ZC3H14: variants seen among roughly 807,000 people sequenced by gnomAD.
ZC3H14 encodes zinc finger CCCH-type containing 14, also known as zinc finger CCCH domain-containing protein 14.
ZC3H14 carries 31 observed loss-of-function variants against 92.4 expected under a neutral mutation model. The ratio of observed to expected loss-of-function variants is 0.34; its 90% confidence interval spans 0.25 to 0.45. The LOEUF (loss-of-function observed/expected upper bound fraction) is 0.45, where lower values mean the gene tolerates loss of function less well. ZC3H14 is among the 20% of genes least tolerant of loss of function. The pLI is 1.00. For synonymous variants in ZC3H14, 321 were observed against 300.9 expected (o/e 1.07, Z -0.69); for missense variants, 781 against 897.3 (o/e 0.87, Z 1.66).
intron 10 of ZC3H14, among the ~76,000 whole-genome samples, chr14:88,601,556 CTG>C (rs1332566755): frequency 3.3e-5 from 5 of 152,178 alleles, no homozygotes; most frequent in African/African-American, 9.7e-5. Context: ...GTTCAGCAGT[CTG>C]TGTATTCTAA....
At chr14:88,585,315 T>C (rs2082341423) in intron 9 of ZC3H14, among the ~76,000 whole-genome samples, 1 of 152,188 alleles carries the variant, frequency 6.6e-6, no homozygotes, top group Non-Finnish European at 1.5e-5. Flanking sequence ...CTGTTATTGT[T>C]GACAACCCTA....
intron 12 of ZC3H14, among the ~76,000 whole-genome samples, chr14:88,604,500 G>A (rs929090618): frequency 2.0e-4 from 31 of 151,968 alleles, no homozygotes; most frequent in Non-Finnish European, 4.1e-4. Flanking sequence ...TTTATGTTGG[G>A]TTGTTTCAAG....
In ZC3H14 at chr14:88,620,921, C is replaced by T; in HGVS notation, c.*9170C>T. On this transcript the variant is annotated 3_prime_UTR_variant, in exon 17 of 17. Transcript: ENST00000251038. This position sits in a 1 kb window ranked among gnomAD's most constrained non-coding sequence, Gnocchi z 4.3. Reference sequence around the variant, plus strand: ...CATGTCCCAAATTCACTTTGTTTAACATCTTCTGCATTTAAAAAAAAAAAA... The same window carrying T: ...CATGTCCCAAATTCACTTTGTTTAATATCTTCTGCATTTAAAAAAAAAAAA... The T allele has an allele frequency of 1.4e-6, 2 of 1,442,064 alleles. No homozygotes were observed. Among genetic ancestry groups the T allele is most frequent in the East Asian group, 2.5e-5 (1 of 39,660 alleles). The allele number at this position is 1,442,064 out of a possible 1,614,324, so 89.3% of individuals were successfully genotyped here. A position where few individuals can be genotyped will look rare whatever the true frequency, so the allele number is the denominator to read the frequency against.
At chr14:88,582,126 A>G (rs774429023) in intron 9 of ZC3H14, among the ~76,000 whole-genome samples, 5 of 152,254 alleles carry the variant, frequency 3.3e-5, no homozygotes, top group Non-Finnish European at 5.9e-5. Flanking sequence ...CCTCTGATAT[A>G]GTAGATGAGA....
intron 1 of ZC3H14, 76 bp from the exon 2 acceptor site, chr14:88,563,575 C>T (rs1023526080): frequency 1.3e-6 from 2 of 1,597,334 alleles, no homozygotes; most frequent in African/African-American, 2.7e-5. Context: ...GCAAAGTGGC[C>T]TCAGCCGCTG....
chr14:88,618,678 T>C lies in ZC3H14; in HGVS notation c.*6927T>C. On this transcript the variant is annotated 3_prime_UTR_variant, in exon 17 of 17. Coordinates refer to ENST00000251038, the MANE Select transcript of ZC3H14 (RefSeq NM_024824.5). The stretch of plus-strand genomic sequence containing the variant: ...GAGATAACTGCTATCTGCAGAGAAG[T>C]CCATTTGAATGACAAAGCTTGGAAT... 1 of 1,612,952 alleles carries C rather than the reference T, an allele frequency of 6.2e-7. No individual in the cohort carries two copies. Among genetic ancestry groups the C allele is most frequent in the Non-Finnish European group, 8.5e-7 (1 of 1,179,504 alleles).
At position 88,620,556 on chromosome 14, in the gene ZC3H14, G is replaced by T; in HGVS notation, c.*8805G>T. The T allele has an allele frequency of 2.2e-6, 1 of 446,952 alleles. No individual in the cohort carries two copies. Among genetic ancestry groups the T allele is most frequent in the Non-Finnish European group, 3.9e-6 (1 of 259,012 alleles). 27.7% of individuals were successfully genotyped at this position (446,952 alleles called of 1,614,324 possible). A position where few individuals can be genotyped will look rare whatever the true frequency, so the allele number is the denominator to read the frequency against. ...TTACCTACTAGTACTTGCTATTATA[G>T]TTGGTGCCCAGTGGGTTTATAATTT... is the stretch of plus-strand genomic sequence containing the variant. On this transcript the variant is annotated 3_prime_UTR_variant, in exon 17 of 17. Coordinates refer to ENST00000251038, the MANE Select transcript of ZC3H14 (RefSeq NM_024824.5). This position sits in a 1 kb window ranked among gnomAD's most constrained non-coding sequence, Gnocchi z 4.3.
Position 88,569,025 on chromosome 14 carries a change from CCTGA to C in ZC3H14, c.194+875_194+878del, listed in dbSNP as rs759048690. On this transcript the variant is annotated intron_variant, in intron 3 of 16. Transcript: ENST00000251038. Reference sequence around the variant, plus strand: ...GTCCCCTCCTTCCTGAACTCCCATGCCTGACTAATTTTTAAATTTTTTGTTCAGA... The same window carrying C: ...GTCCCCTCCTTCCTGAACTCCCATGCCTAATTTTTAAATTTTTTGTTCAGA... Among the ~76,000 whole-genome samples the C allele has an allele frequency of 1.0e-3, 159 of 152,106 alleles. 2 individuals carry two copies. The highest frequency in any genetic ancestry group is 1.4e-3 in the Admixed American group (22 of 15,266).
intron 9 of ZC3H14, among the ~76,000 whole-genome samples, chr14:88,579,016 T>C (rs1231887922): frequency 1.3e-5 from 2 of 152,102 alleles, no homozygotes; most frequent in African/African-American, 2.4e-5. Context: ...TTGTCTCTTT[T>C]GTCGTCAAGA....
intron 3 of ZC3H14, among the ~76,000 whole-genome samples, chr14:88,569,047 TG>T (rs1243701709): frequency 2.0e-5 from 3 of 152,126 alleles, no homozygotes; most frequent in Non-Finnish European, 4.4e-5. Flanking sequence ...TTAAATTTTT[TG>T]TTCAGACAGG....
In ZC3H14 at chr14:88,616,875, G is replaced by A; in HGVS notation, c.*5124G>A. The A allele has an allele frequency of 6.2e-7, 1 of 1,613,360 alleles. No individual in the cohort carries two copies. Among genetic ancestry groups the A allele is most frequent in the Non-Finnish European group, 8.5e-7 (1 of 1,179,610 alleles). On this transcript the variant is annotated 3_prime_UTR_variant, in exon 17 of 17. Coordinates refer to ENST00000251038, the MANE Select transcript of ZC3H14 (RefSeq NM_024824.5). Reference sequence around the variant, plus strand: ...CAGATTCCCAAAACCTCATCTCCTAGAATACTAGAGGGAAGGAACAAAAGA... The same window carrying A: ...CAGATTCCCAAAACCTCATCTCCTAAAATACTAGAGGGAAGGAACAAAAGA...
chr14:88,583,159 G>A (rs563639882), intron 9 of ZC3H14, among the ~76,000 whole-genome samples: 4 of 147,474 alleles, frequency 2.7e-5, no homozygotes, highest in Non-Finnish European at 5.9e-5. Flanking sequence ...TAAGAGGCGA[G>A]GTCTCACTGT....
At chr14:88,574,128 G>A (rs569316526) in intron 6 of ZC3H14, among the ~76,000 whole-genome samples, 41 of 152,152 alleles carry the variant, frequency 2.7e-4, no homozygotes, top group African/African-American at 9.6e-4. Context: ...AATTAACTCT[G>A]TTTTATTAGT....
At chr14:88,575,963 AC>A (rs757243658) in intron 8 of ZC3H14, 23 bp downstream of exon 8, 30 of 1,553,704 alleles carry the variant, frequency 1.9e-5, no homozygotes, top group Non-Finnish European at 2.7e-5. Context: ...TATTATGTTT[AC>A]ACTTGGTAAG....
At chr14:88,606,940 T>C (rs2085503873) in intron 12 of ZC3H14, among the ~76,000 whole-genome samples, 1 of 152,104 alleles carries the variant, frequency 6.6e-6, no homozygotes, top group Non-Finnish European at 1.5e-5. Context: ...TTGACGTCCT[T>C]CTCTATTTTT....
Position 88,618,601 on chromosome 14 carries a change from G to T in ZC3H14, c.*6850G>T. The stretch of plus-strand genomic sequence containing the variant: ...TTAAATGCATTCACTAACACGAAAT[G>T]TAAAAGCAGAAGAACTTGCCACCTG... On this transcript the variant is annotated 3_prime_UTR_variant, in exon 17 of 17. Coordinates refer to ENST00000251038, the MANE Select transcript of ZC3H14 (RefSeq NM_024824.5). 6.4e-7 allele frequency: 1 copy of T among 1,565,980 alleles called. No individual in the cohort carries two copies. The highest frequency in any genetic ancestry group is 8.6e-7 in the Non-Finnish European group (1 of 1,156,784).
chr14:88,563,737 G>A (rs2079193185), intron 2 of ZC3H14, 44 bp downstream of exon 2: 1 of 1,578,912 alleles, frequency 6.3e-7, no homozygotes, highest in South Asian at 1.1e-5. Context: ...TTTAGAGTTT[G>A]CAGCTAATAG....
chr14:88,621,997 T>C lies in ZC3H14; in HGVS notation c.*10246T>C. ...ACTATTCCTATCTGGCTGTGTAAAC[T>C]TGTATCCTTTAACCAGTCCTTCCCT... is the stretch of plus-strand genomic sequence containing the variant. On this transcript the variant is annotated 3_prime_UTR_variant, in exon 17 of 17. Coordinates refer to ENST00000251038, the MANE Select transcript of ZC3H14 (RefSeq NM_024824.5). The C allele has an allele frequency of 2.5e-6, 1 of 400,656 alleles. No homozygotes were observed. The highest frequency in any genetic ancestry group is 1.9e-5 in the South Asian group (1 of 53,088). The allele number at this position is 400,656 out of a possible 1,614,324, so 24.8% of individuals were successfully genotyped here.
In ZC3H14 at chr14:88,620,928, T is replaced by C. The variant is rs1174063503; in HGVS notation, c.*9177T>C. The C allele has an allele frequency of 6.9e-7, 1 of 1,449,514 alleles. No individual in the cohort carries two copies. Among genetic ancestry groups the C allele is most frequent in the East Asian group, 2.5e-5 (1 of 39,572 alleles). The allele number at this position is 1,449,514 out of a possible 1,614,324, so 89.8% of individuals were successfully genotyped here. A position where few individuals can be genotyped will look rare whatever the true frequency, so the allele number is the denominator to read the frequency against. On this transcript the variant is annotated 3_prime_UTR_variant, in exon 17 of 17. Coordinates refer to ENST00000251038, the MANE Select transcript of ZC3H14 (RefSeq NM_024824.5). This position sits in a 1 kb window ranked among gnomAD's most constrained non-coding sequence, Gnocchi z 4.3. ...CAAATTCACTTTGTTTAACATCTTC[T>C]GCATTTAAAAAAAAAAAAAAAAAGA...
Sources: allele counts gnomAD v4.1 joint callset (sites outside exome capture counted in the v4.1 genomes callset), GRCh38; gene constraint gnomAD v4.1.1; non-coding constraint Gnocchi (gnomAD v3.1); transcripts MANE v1.5; gene names NCBI Gene and HGNC (gene_info 2026-07-23, HGNC 2026-07-21).